Variants in TTLL11 observed in about 807,000 individuals in gnomAD.
TTLL11 encodes the protein tubulin polyglutamylase TTLL11.
In TTLL11, 42 loss-of-function variants were observed where a neutral mutation model predicts 51.7. The ratio of observed to expected loss-of-function variants is 0.81; its 90% CI spans 0.64 to 1.05. TTLL11 has a LOEUF of 1.05. TTLL11 is among the 50% of genes least tolerant of loss of function. The probability of loss-of-function intolerance (pLI) is 0.00; values close to 1 mark genes in which losing one functional copy is unlikely to be tolerated. For synonymous variants in TTLL11, 381 were observed against 383.5 expected, an observed-to-expected ratio of 0.99 and a Z score of 0.08; for missense variants, 799 against 940.4, an observed-to-expected ratio of 0.85 and a Z score of 1.97.
chr9:121,827,123 A>G (rs1416304607), intron 8 of TTLL11, among the ~76,000 whole-genome samples: 1 of 150,836 alleles, frequency 6.6e-6, no homozygotes, highest in East Asian at 1.9e-4. Flanking sequence ...ATTTCTAACC[A>G]TTTTTTTTTA....
intron 8 of TTLL11, among the ~76,000 whole-genome samples, chr9:121,835,326 A>G (rs965674828): frequency 1.3e-5 from 2 of 152,088 alleles, no homozygotes; most frequent in African/African-American, 4.8e-5. Context: ...AGACCCAAGC[A>G]CCTGCCCAAG....
chr9:121,909,724 C>T (rs1840048743), intron 6 of TTLL11, among the ~76,000 whole-genome samples: 1 of 152,152 alleles, frequency 6.6e-6, no homozygotes, highest in East Asian at 1.9e-4. Flanking sequence ...AGACAGCTCA[C>T]TCAGTGCAAG....
intron 6 of TTLL11, among the ~76,000 whole-genome samples, chr9:121,943,788 C>T (rs977727403): frequency 6.6e-6 from 1 of 152,198 alleles, no homozygotes; most frequent in Non-Finnish European, 1.5e-5. Flanking sequence ...GTGATGCCTA[C>T]CTACCTCCTT....
At chr9:122,002,745 G>A (rs1331155897) in intron 3 of TTLL11, among the ~76,000 whole-genome samples, 1 of 151,930 alleles carries the variant, frequency 6.6e-6, no homozygotes, top group East Asian at 1.9e-4. Context: ...AAGAGATCGA[G>A]ACCATCCTGG....
intron 1 of TTLL11, among the ~76,000 whole-genome samples, chr9:122,069,462 C>A (rs553376785): frequency 7.2e-5 from 11 of 152,292 alleles, no homozygotes; most frequent in African/African-American, 2.6e-4. Flanking sequence ...GCAGGCAGAT[C>A]ACCTGAGGTC....
intron 6 of TTLL11, among the ~76,000 whole-genome samples, chr9:121,955,834 A>C (rs1841999164): frequency 6.6e-6 from 1 of 152,226 alleles, no homozygotes; most frequent in Non-Finnish European, 1.5e-5. Context: ...TCTGCTACCA[A>C]ATTTTCTGAG....
intron 1 of TTLL11, among the ~76,000 whole-genome samples, chr9:122,040,880 G>T (rs1188971544): frequency 1.3e-5 from 2 of 152,168 alleles, no homozygotes; most frequent in Non-Finnish European, 2.9e-5. Context: ...TATTAATTCA[G>T]TACTCATAAA....
At chr9:121,833,778 A>C (rs1837099795) in intron 8 of TTLL11, among the ~76,000 whole-genome samples, 1 of 152,244 alleles carries the variant, frequency 6.6e-6, no homozygotes, top group Non-Finnish European at 1.5e-5. Context: ...ATTTGAATAT[A>C]TGATATAATT....
At chr9:121,982,903 A>G (rs567962176) in intron 4 of TTLL11, among the ~76,000 whole-genome samples, 69 of 152,262 alleles carry the variant, frequency 4.5e-4, no homozygotes, top group Non-Finnish European at 7.8e-4. Flanking sequence ...AGACCATGAG[A>G]AGGAGCCAGG....
At chr9:122,013,600 T>A (rs892408106) in intron 3 of TTLL11, among the ~76,000 whole-genome samples, 1 of 152,308 alleles carries the variant, frequency 6.6e-6, no homozygotes, top group East Asian at 1.9e-4. Flanking sequence ...TATCTGCTAG[T>A]CTCAGCGAAT....
At position 122,091,296 on chromosome 9, in the gene TTLL11, G is replaced by A. The variant is rs148727126; in HGVS notation, c.462+1391C>T. On this transcript the variant is annotated intron_variant, in intron 1 of 8. Transcript: ENST00000321582. Reference sequence around the variant, plus strand: ...CACGGCACTGACAAGTTGTCCAGTTGTACCTTTTCTAGCCCTCATATCTCT... The same window carrying A: ...CACGGCACTGACAAGTTGTCCAGTTATACCTTTTCTAGCCCTCATATCTCT... Among the ~76,000 whole-genome samples, 24 of 152,318 alleles carry A rather than the reference G, an allele frequency of 1.6e-4. No homozygotes were observed. The East Asian group carries it at 4.2e-3, about 27-fold the overall frequency.
intron 3 of TTLL11, among the ~76,000 whole-genome samples, chr9:121,996,220 T>C (rs1399554771): frequency 6.6e-6 from 1 of 152,072 alleles, no homozygotes; most frequent in Non-Finnish European, 1.5e-5. Context: ...TCCTGTCCTC[T>C]CTCACCTCTA....
At chr9:122,022,244 A>G (rs1844203290) in intron 3 of TTLL11, among the ~76,000 whole-genome samples, 1 of 152,168 alleles carries the variant, frequency 6.6e-6, no homozygotes, top group Non-Finnish European at 1.5e-5. Context: ...TCCAAATTTT[A>G]TTAAAATTAT....
At chr9:121,823,270 G>A (rs1266550999) in intron 8 of TTLL11, among the ~76,000 whole-genome samples, 3 of 152,228 alleles carry the variant, frequency 2.0e-5, no homozygotes, top group Non-Finnish European at 2.9e-5. Context: ...TCCTGGCTGG[G>A]CGCAGTGGCT....
intron 6 of TTLL11, among the ~76,000 whole-genome samples, chr9:121,893,745 G>A (rs183714054): frequency 8.9e-4 from 136 of 152,194 alleles, no homozygotes; most frequent in African/African-American, 2.7e-3. Context: ...TCCCACTTAC[G>A]TCTACTCAAT....
intron 6 of TTLL11, among the ~76,000 whole-genome samples, chr9:121,889,975 T>C (rs1214583071): frequency 6.6e-6 from 1 of 152,196 alleles, no homozygotes; most frequent in East Asian, 1.9e-4. Context: ...ATCTGGCTTA[T>C]TTCACTTAGC....
intron 6 of TTLL11, among the ~76,000 whole-genome samples, chr9:121,939,488 C>T (rs1443873799): frequency 6.6e-6 from 1 of 151,890 alleles, no homozygotes; most frequent in Non-Finnish European, 1.5e-5. Flanking sequence ...CCAAACATAC[C>T]TATGTAGTAA....
At chr9:121,868,172 C>T (rs752190420) in intron 7 of TTLL11, among the ~76,000 whole-genome samples, 22 of 152,124 alleles carry the variant, frequency 1.4e-4, no homozygotes, top group Non-Finnish European at 2.9e-4. Flanking sequence ...AGAAGCACCC[C>T]AGCTTGCTCA....
At chr9:121,859,023 C>A (rs1837916943) in intron 8 of TTLL11, among the ~76,000 whole-genome samples, 1 of 152,156 alleles carries the variant, frequency 6.6e-6, no homozygotes, top group African/African-American at 2.4e-5. Flanking sequence ...GCTCACAGTT[C>A]CTGTGTGATC....
Sources: gnomAD v4.1 joint callset for allele counts (sites outside exome capture counted in the v4.1 genomes callset) on GRCh38, gnomAD v4.1.1 for gene constraint, MANE v1.5 for transcripts, NCBI Gene and HGNC (gene_info 2026-07-23, HGNC 2026-07-21) for gene names.